ADARB2: variants seen among roughly 807,000 people sequenced by gnomAD.
ADARB2 encodes inactive double-stranded RNA-specific editase B2.
A neutral mutation model predicts 62.2 loss-of-function variants in ADARB2; 25 were observed. The ratio of observed to expected loss-of-function variants is 0.40; its 90% CI spans 0.29 to 0.56. ADARB2 has a LOEUF of 0.56. Among genes scored for constraint, ADARB2 ranks in the 20% least tolerant of loss-of-function variants. ADARB2 has a pLI of 0.43. For synonymous variants in ADARB2, 572 were observed against 500.8 expected (o/e 1.14, Z -1.90); for missense variants, 1,071 against 1,077.4 (o/e 0.99, Z 0.08).
At chr10:1,286,014 C>T (rs867056845) in intron 3 of ADARB2, among the ~76,000 whole-genome samples, 5 of 143,222 alleles carry the variant, frequency 3.5e-5, no homozygotes, top group East Asian at 2.3e-4. Context: ...AATCCAGGAC[C>T]GTTGCCCCGA....
At chr10:1,697,341 C>G (rs577650989) in intron 1 of ADARB2, among the ~76,000 whole-genome samples, 1 of 152,214 alleles carries the variant, frequency 6.6e-6, no homozygotes, top group Non-Finnish European at 1.5e-5. Flanking sequence ...CCCCTCTTGT[C>G]TTCCTTGTTG....
At chr10:1,294,501 C>A (rs780740769) in intron 3 of ADARB2, among the ~76,000 whole-genome samples, 1 of 152,152 alleles carries the variant, frequency 6.6e-6, no homozygotes, top group Non-Finnish European at 1.5e-5. Context: ...GCTGGGGAAA[C>A]TGATTCTCGA....
At chr10:1,184,694 G>A (rs1203707071) in intron 9 of ADARB2, among the ~76,000 whole-genome samples, 167 bp downstream of exon 9, 2 of 152,224 alleles carry the variant, frequency 1.3e-5, no homozygotes, top group East Asian at 1.9e-4. Flanking sequence ...AAGCCTACAG[G>A]GGAAACGCTG....
Position 1,363,044 on chromosome 10 carries a change from C to A in ADARB2, c.1061G>T (p.Arg354Met). The stretch of plus-strand genomic sequence containing the variant: ...GCCCCTCACCTGCGGCATTGGCGTC[C>A]TCCTGGCCCTGCCGGGCGCGTGGCC... ...MPGHAPGRAR[R>M]TPMPQEFADS... is the part of the protein sequence containing the mutation. Residue 354 changes from arginine (R) to methionine (M), a missense_variant, in exon 3 of 10, where the codon AGG becomes ATG. Coordinates refer to ENST00000381312, the MANE Select transcript of ADARB2 (RefSeq NM_018702.4). 1 of 1,414,124 alleles carries A rather than the reference C, an allele frequency of 7.1e-7. No homozygotes were observed. The highest frequency in any genetic ancestry group is 1.5e-5 in the South Asian group (1 of 64,674). The allele number at this position is 1,414,124 out of a possible 1,614,324, so 87.6% of individuals were successfully genotyped here.
chr10:1,465,477 C>T (rs766550922), intron 1 of ADARB2, among the ~76,000 whole-genome samples: 5 of 152,162 alleles, frequency 3.3e-5, no homozygotes, highest in Non-Finnish European at 7.3e-5. Context: ...ACCAGGGGGT[C>T]GGGGACGTCA....
chr10:1,363,895 C>A lies in ADARB2; in HGVS notation c.210G>T (p.Lys70Asn). The A allele has an allele frequency of 6.7e-7, 1 of 1,484,148 alleles. No homozygotes were observed. The highest frequency in any genetic ancestry group is 1.4e-5 in the South Asian group (1 of 73,460). The allele number at this position is 1,484,148 out of a possible 1,614,324, so 91.9% of individuals were successfully genotyped here. A position where few individuals can be genotyped will look rare whatever the true frequency, so the allele number is the denominator to read the frequency against. The change falls in exon 3 of 10, where the codon AAG becomes AAT. Residue 70 changes from lysine to asparagine, a missense_variant. Transcript: ENST00000381312. ...CCAGGTTGCCCACGTTGCGGTTCTC[C>A]TTCACCTCCGCGCTGCTGGTACCTG... ...DTLSTSSAEV[K>N]ENRNVGNLAA...
intron 3 of ADARB2, among the ~76,000 whole-genome samples, chr10:1,336,283 G>A (rs1349590557): frequency 1.3e-5 from 2 of 152,290 alleles, no homozygotes; most frequent in African/African-American, 4.8e-5. Context: ...CAATTATCTT[G>A]TTATTGTGTG....
At chr10:1,202,339 C>G (rs756473764) in intron 7 of ADARB2, among the ~76,000 whole-genome samples, 3 of 151,542 alleles carry the variant, frequency 2.0e-5, no homozygotes, top group Non-Finnish European at 4.4e-5. Context: ...TCACCGCAGC[C>G]TAATTATTTT....
At chr10:1,455,989 G>T (rs1831090891) in intron 1 of ADARB2, among the ~76,000 whole-genome samples, 1 of 152,208 alleles carries the variant, frequency 6.6e-6, no homozygotes, top group African/African-American at 2.4e-5. Flanking sequence ...GCATAGAAGA[G>T]TGGTTGAAAA....
At chr10:1,517,237 T>C (rs948832186) in intron 1 of ADARB2, among the ~76,000 whole-genome samples, 1 of 152,244 alleles carries the variant, frequency 6.6e-6, no homozygotes, top group Non-Finnish European at 1.5e-5. Context: ...AATGGTGAAT[T>C]GGACAGGAAG....
At position 1,713,147 on chromosome 10, in the gene ADARB2, A is replaced by G. The variant is rs573081939; in HGVS notation, c.100+23904T>C. On this transcript the variant is annotated intron_variant, in intron 1 of 9. Coordinates refer to ENST00000381312, the MANE Select transcript of ADARB2 (RefSeq NM_018702.4). The stretch of plus-strand genomic sequence containing the variant: ...TGCAGACATGGGGCGCCTGGAGGGT[A>G]CCGCTCACACCTGGGTGCCGGCGAG... 9.2e-5 allele frequency among the ~76,000 whole-genome samples: 14 copies of G among 152,260 alleles called. No individual in the cohort carries two copies. In the East Asian group the frequency reaches 2.1e-3, roughly 23 times the overall value.
chr10:1,211,241 ATC>A (rs1589152643), intron 7 of ADARB2, among the ~76,000 whole-genome samples: 2 of 152,142 alleles, frequency 1.3e-5, no homozygotes, highest in African/African-American at 4.8e-5. Flanking sequence ...GTCATCTATT[ATC>A]TGTCATCTGT....
At chr10:1,662,060 G>A (rs1159663113) in intron 1 of ADARB2, among the ~76,000 whole-genome samples, 5 of 152,198 alleles carry the variant, frequency 3.3e-5, no homozygotes, top group Non-Finnish European at 5.9e-5. Context: ...CACACCCTAA[G>A]CCCGGGACCC....
intron 1 of ADARB2, among the ~76,000 whole-genome samples, chr10:1,460,316 A>G (rs2492480): frequency 0.16 from 209 of 1,322 alleles, 49 homozygotes; most frequent in East Asian, 0.22. Flanking sequence ...GTTTACCTGC[A>G]TAACAAACCT....
chr10:1,378,963 A>G (rs1174758702), intron 2 of ADARB2, 111 bp downstream of exon 2: 4 of 904,568 alleles, frequency 4.4e-6, no homozygotes. Context: ...GGTAAGACCA[A>G]ACAGACCCTC....
intron 3 of ADARB2, among the ~76,000 whole-genome samples, chr10:1,313,995 C>T (rs1451559877): frequency 6.6e-6 from 1 of 152,238 alleles, no homozygotes; most frequent in Non-Finnish European, 1.5e-5. Flanking sequence ...GGGCAATCTC[C>T]AGCCTCCACT....
chr10:1,407,131 GC>G (rs1177124240), intron 1 of ADARB2, among the ~76,000 whole-genome samples: 28 of 152,192 alleles, frequency 1.8e-4, no homozygotes, highest in Admixed American at 1.8e-3. Context: ...CCACTGAGTA[GC>G]CTCTGATGGC....
intron 3 of ADARB2, 84 bp from the exon 4 acceptor site, chr10:1,271,153 A>G (rs1831258386): frequency 1.8e-6 from 2 of 1,122,292 alleles, no homozygotes; most frequent in Non-Finnish European, 2.6e-6. Context: ...CCGTCCTCAC[A>G]GCCTCATCCC....
At chr10:1,686,827 T>A (rs1834602209) in intron 1 of ADARB2, among the ~76,000 whole-genome samples, 1 of 152,230 alleles carries the variant, frequency 6.6e-6, no homozygotes, top group Non-Finnish European at 1.5e-5. Context: ...TGTTGATTTC[T>A]CTAGCAAATG....
Sources: gnomAD v4.1 joint callset for allele counts (sites outside exome capture counted in the v4.1 genomes callset) on GRCh38, gnomAD v4.1.1 for gene constraint, MANE v1.5 for transcripts, NCBI Gene and HGNC (gene_info 2026-07-23, HGNC 2026-07-21) for gene names.